The following SEMA5A variants were observed in gnomAD, a reference collection of about 807,000 sequenced individuals.
SEMA5A encodes the protein semaphorin-5A.
A neutral mutation model predicts 135.5 loss-of-function variants in SEMA5A; 55 were observed. That is an observed-to-expected ratio of 0.41 (90% CI 0.33 to 0.51). The LOEUF (loss-of-function observed/expected upper bound fraction) is 0.51, where lower values mean the gene tolerates loss of function less well. Among genes scored for constraint, SEMA5A ranks in the 20% least tolerant of loss-of-function variants. SEMA5A has a pLI of 0.37. For synonymous variants in SEMA5A, 580 were observed against 546.5 expected (o/e 1.06, Z -0.85); for missense variants, 1,290 against 1,419.9 (o/e 0.91, Z 1.47).
Position 9,258,803 on chromosome 5 carries a change from C to CTTTTTTTTTT in SEMA5A, c.271-20923_271-20914dup, listed in dbSNP as rs748703578. On this transcript the variant is annotated intron_variant, in intron 5 of 22. Coordinates refer to ENST00000382496, the MANE Select transcript of SEMA5A (RefSeq NM_003966.3). ...ATTATTTGTCTTTTCTTCTTTCTTT[C>CTTTTTTTTTT]TTTTTTTTTTTTTTTTTTTTTTTTT... Among the ~76,000 whole-genome samples the CTTTTTTTTTT allele has an allele frequency of 3.6e-3, 177 of 48,940 alleles. 11 individuals are homozygous for CTTTTTTTTTT. The highest frequency in any genetic ancestry group is 4.1e-3 in the African/African-American group (49 of 11,882). The allele number at this position is 48,940 out of a possible 152,430, so 32.1% of individuals were successfully genotyped here.
chr5:9,339,568 T>G (rs1489792224), intron 3 of SEMA5A, among the ~76,000 whole-genome samples: 2 of 151,850 alleles, frequency 1.3e-5, no homozygotes, highest in African/African-American at 4.8e-5. Context: ...TAAGAACAAG[T>G]AAGTGAGTTC....
chr5:9,478,011 G>A (rs1209578182), intron 1 of SEMA5A, among the ~76,000 whole-genome samples: 1 of 152,178 alleles, frequency 6.6e-6, no homozygotes, highest in East Asian at 1.9e-4. Flanking sequence ...GCAGCCTTGG[G>A]ACATGATGCG....
intron 3 of SEMA5A, among the ~76,000 whole-genome samples, chr5:9,366,709 T>C (rs1037134582): frequency 2.0e-5 from 3 of 152,182 alleles, no homozygotes; most frequent in Admixed American, 6.5e-5. Flanking sequence ...TTCTATTGTG[T>C]TGTTGTTTGA....
chr5:9,099,979 T>C (rs969332782), intron 16 of SEMA5A, among the ~76,000 whole-genome samples: 1 of 152,206 alleles, frequency 6.6e-6, no homozygotes, highest in African/African-American at 2.4e-5. Context: ...AGAGAGAACC[T>C]TTCCAGAAAA....
chr5:9,043,066 TCAG>T, intron 22 of SEMA5A, 50 bp from the exon 23 acceptor site: 1 of 1,463,264 alleles, frequency 6.8e-7, no homozygotes, highest in Non-Finnish European at 9.5e-7. Flanking sequence ...GAGTAGCATT[TCAG>T]AAATAATATA....
intron 11 of SEMA5A, among the ~76,000 whole-genome samples, chr5:9,185,071 G>A (rs964778150): frequency 1.1e-4 from 17 of 152,130 alleles, no homozygotes; most frequent in African/African-American, 3.9e-4. Flanking sequence ...GGGACTGCAG[G>A]TGCTCACCAC....
In SEMA5A at chr5:9,113,631, C is replaced by T. The variant is rs1278238870; in HGVS notation, c.1926-5344G>A. On this transcript the variant is annotated intron_variant, in intron 15 of 22. Transcript: ENST00000382496. ...AAAGACAAAAACACAATTAGAAAAA[C>T]AGGCAAAATATTTGAATAGACATTT... Among the ~76,000 whole-genome samples, 5 of 152,148 alleles carry T rather than the reference C, an allele frequency of 3.3e-5. No homozygotes were observed. In the South Asian group the frequency reaches 1.0e-3, roughly 32 times the overall value.
chr5:9,151,314 G>A (rs1742623605), intron 12 of SEMA5A, among the ~76,000 whole-genome samples: 1 of 152,150 alleles, frequency 6.6e-6, no homozygotes, highest in Non-Finnish European at 1.5e-5. Flanking sequence ...ATTTAGATAA[G>A]CAGTTTCCCT....
intron 16 of SEMA5A, among the ~76,000 whole-genome samples, chr5:9,081,975 G>A (rs1020195768): frequency 6.6e-6 from 1 of 152,134 alleles, no homozygotes; most frequent in African/African-American, 2.4e-5. Flanking sequence ...CTGTTGTCAG[G>A]AAAAACTGAG....
intron 1 of SEMA5A, among the ~76,000 whole-genome samples, chr5:9,505,491 A>G (rs948861659): frequency 1.3e-5 from 2 of 152,232 alleles, no homozygotes; most frequent in African/African-American, 4.8e-5. Flanking sequence ...GCTAGATTGT[A>G]GCCTCATATT....
chr5:9,443,440 G>A (rs1758314142), intron 1 of SEMA5A, among the ~76,000 whole-genome samples: 1 of 152,140 alleles, frequency 6.6e-6, no homozygotes, highest in African/African-American at 2.4e-5. Context: ...AAATGGTGCA[G>A]CCAACTGAAA....
At chr5:9,372,914 A>G (rs778134328) in intron 3 of SEMA5A, among the ~76,000 whole-genome samples, 1 of 152,238 alleles carries the variant, frequency 6.6e-6, no homozygotes, top group Non-Finnish European at 1.5e-5. Context: ...CGCCTTCTCC[A>G]GCCGCAGGAG....
intron 1 of SEMA5A, among the ~76,000 whole-genome samples, chr5:9,506,558 G>C (rs943701468): frequency 6.6e-6 from 1 of 152,148 alleles, no homozygotes; most frequent in Non-Finnish European, 1.5e-5. Context: ...GGGTTGAAAG[G>C]GAAGGTCCTA....
chr5:9,078,235 C>T (rs1015055560), intron 16 of SEMA5A, among the ~76,000 whole-genome samples: 44 of 152,186 alleles, frequency 2.9e-4, no homozygotes, highest in African/African-American at 1.1e-3. Flanking sequence ...GGAAACGTTT[C>T]CTTCTCAAGC....
chr5:9,246,372 CTAGTT>C (rs997639586), intron 5 of SEMA5A, among the ~76,000 whole-genome samples: 3 of 152,112 alleles, frequency 2.0e-5, no homozygotes, highest in African/African-American at 7.2e-5. Context: ...ACTGGCTTGC[CTAGTT>C]TAATATTTCC....
intron 1 of SEMA5A, among the ~76,000 whole-genome samples, chr5:9,497,114 T>A (rs1363035262): frequency 6.6e-6 from 1 of 152,210 alleles, no homozygotes; most frequent in Non-Finnish European, 1.5e-5. Flanking sequence ...GTTGAGCACA[T>A]TAGATACTTA....
At chr5:9,493,592 G>T (rs560711465) in intron 1 of SEMA5A, among the ~76,000 whole-genome samples, 1 of 152,270 alleles carries the variant, frequency 6.6e-6, no homozygotes, top group South Asian at 2.1e-4. Context: ...TCTAATTAGG[G>T]CCTGACAGCC....
intron 2 of SEMA5A, chr5:9,422,454 T>C (rs947843038): frequency 1.3e-5 from 2 of 152,220 alleles, no homozygotes; most frequent in African/African-American, 4.8e-5. Flanking sequence ...GAGAGCTGTT[T>C]ATATATAAAA....
At chr5:9,461,108 T>C (rs1310599286) in intron 1 of SEMA5A, among the ~76,000 whole-genome samples, 1 of 152,204 alleles carries the variant, frequency 6.6e-6, no homozygotes, top group Non-Finnish European at 1.5e-5. Flanking sequence ...TCCTTGGTCG[T>C]TGGCTTTTCT....
Sources: allele counts gnomAD v4.1 joint callset (sites outside exome capture counted in the v4.1 genomes callset), GRCh38; gene constraint gnomAD v4.1.1; transcripts MANE v1.5; gene names NCBI Gene and HGNC (gene_info 2026-07-23, HGNC 2026-07-21).